Variants in SATB2 observed in about 807,000 individuals in gnomAD.
SATB2 encodes SATB homeobox 2.
In SATB2, 1 loss-of-function variant was observed where a neutral mutation model predicts 73.4. That is an observed-to-expected ratio of 0.01 (90% CI 0.00 to 0.06). The LOEUF is 0.06. Among genes scored for constraint, SATB2 ranks in the 10% least tolerant of loss-of-function variants. The probability of loss-of-function intolerance (pLI) is 1.00; values close to 1 mark genes in which losing one functional copy is unlikely to be tolerated. For synonymous variants in SATB2, 397 were observed against 367.0 expected, an observed-to-expected ratio of 1.08 and a Z score of -0.93; for missense variants, 459 against 945.8, an observed-to-expected ratio of 0.49 and a Z score of 6.75.
chr2:199,297,409 C>T (rs971300664), intron 10 of SATB2, among the ~76,000 whole-genome samples: 4 of 152,008 alleles, frequency 2.6e-5, no homozygotes, highest in East Asian at 1.9e-4. Flanking sequence ...TGGTCATTCC[C>T]GGAAGAGTCA....
At chr2:199,326,250 G>GAGAAAA (rs1208393488) in intron 8 of SATB2, among the ~76,000 whole-genome samples, 3 of 152,034 alleles carry the variant, frequency 2.0e-5, no homozygotes, top group African/African-American at 7.2e-5. Context: ...CTTTACCCAA[G>GAGAAAA]AGAAAAAGAC....
chr2:199,456,406 C>A (rs1210801855), intron 1 of SATB2, among the ~76,000 whole-genome samples: 3 of 152,250 alleles, frequency 2.0e-5, no homozygotes, highest in Non-Finnish European at 4.4e-5. Context: ...ACGGGGTTGG[C>A]ATAAACCGTT....
At chr2:199,375,960 A>G (rs1248702466) in intron 5 of SATB2, among the ~76,000 whole-genome samples, 1 of 152,220 alleles carries the variant, frequency 6.6e-6, no homozygotes, top group African/African-American at 2.4e-5. Context: ...TACTTTATAC[A>G]GGCTGAACTA....
At chr2:199,290,278 C>T (rs1223077044) in intron 10 of SATB2, among the ~76,000 whole-genome samples, 1 of 152,258 alleles carries the variant, frequency 6.6e-6, no homozygotes, top group South Asian at 2.1e-4. Flanking sequence ...CTTTCTCTTA[C>T]TTATACGCTG....
At chr2:199,283,162 C>A (rs1032779026) in intron 10 of SATB2, among the ~76,000 whole-genome samples, 1 of 150,954 alleles carries the variant, frequency 6.6e-6, no homozygotes, top group African/African-American at 2.4e-5. Flanking sequence ...CGGCTCACTG[C>A]AAGCTCCGCC....
intron 3 of SATB2, among the ~76,000 whole-genome samples, chr2:199,410,862 T>C (rs560126930): frequency 6.6e-6 from 1 of 152,316 alleles, no homozygotes; most frequent in African/African-American, 2.4e-5. Context: ...ACATTTATGG[T>C]CTGGTAAGAC....
intron 3 of SATB2, among the ~76,000 whole-genome samples, chr2:199,408,760 A>C (rs1690714743): frequency 1.3e-5 from 2 of 152,112 alleles, no homozygotes; most frequent in African/African-American, 4.8e-5. Context: ...GAACTATATC[A>C]ATATACTTTC....
At chr2:199,292,044 G>A (rs1428420834) in intron 10 of SATB2, among the ~76,000 whole-genome samples, 1 of 151,898 alleles carries the variant, frequency 6.6e-6, no homozygotes, top group Non-Finnish European at 1.5e-5. Context: ...AAGTAGAGCT[G>A]GTAAAAAGAA....
At chr2:199,399,668 C>A (rs1184409980) in intron 3 of SATB2, among the ~76,000 whole-genome samples, 1 of 152,158 alleles carries the variant, frequency 6.6e-6, no homozygotes, top group Non-Finnish European at 1.5e-5. Context: ...AACTTACATT[C>A]ATGGGGACGG....
intron 6 of SATB2, among the ~76,000 whole-genome samples, chr2:199,356,464 ACCT>A (rs1241211994): frequency 6.6e-6 from 1 of 151,932 alleles, no homozygotes; most frequent in Non-Finnish European, 1.5e-5. Flanking sequence ...AAATTTACAA[ACCT>A]CCTCTCCAGG....
rs77466217 is a variant in SATB2 at position 199,434,663 on chromosome 2, G to A, written c.170-1149C>T. Among the ~76,000 whole-genome samples the A allele has an allele frequency of 4.9e-3, 739 of 152,206 alleles. 4 individuals are homozygous for A. Among genetic ancestry groups the A allele is most frequent in the African/African-American group, 0.017 (703 of 41,512 alleles). On this transcript the variant is annotated intron_variant, in intron 2 of 10. Transcript: ENST00000417098. ...GACGGGGGAGGTAGAAAGTCACATGGTCATGGTGAAGGTACTTCACAACAA... is the reference window on the plus strand; with the variant it reads ...GACGGGGGAGGTAGAAAGTCACATGATCATGGTGAAGGTACTTCACAACAA...
chr2:199,296,164 A>G (rs185838129), intron 10 of SATB2, among the ~76,000 whole-genome samples: 148 of 152,336 alleles, frequency 9.7e-4, no homozygotes, highest in African/African-American at 3.3e-3. Context: ...TCTGAGTCCA[A>G]TATAAGATGT....
At chr2:199,430,776 T>A (rs1691479236) in intron 3 of SATB2, among the ~76,000 whole-genome samples, 1 of 152,242 alleles carries the variant, frequency 6.6e-6, no homozygotes, top group African/African-American at 2.4e-5. Flanking sequence ...CCTGCTGCCC[T>A]GTCATTGGGA....
intron 7 of SATB2, among the ~76,000 whole-genome samples, chr2:199,336,915 A>C (rs1428815473): frequency 6.6e-6 from 1 of 152,172 alleles, no homozygotes. Flanking sequence ...CACCTGTAAA[A>C]CTAAAATAAT....
At chr2:199,366,817 A>C (rs1689297859) in intron 6 of SATB2, among the ~76,000 whole-genome samples, 1 of 151,998 alleles carries the variant, frequency 6.6e-6, no homozygotes. Flanking sequence ...ATCTTTAAAA[A>C]AAAAAAAAAA....
intron 3 of SATB2, among the ~76,000 whole-genome samples, chr2:199,399,215 T>G (rs1215645210): frequency 6.6e-6 from 1 of 152,168 alleles, no homozygotes; most frequent in Non-Finnish European, 1.5e-5. Context: ...GAGGTTGCAG[T>G]GGGCCAAGAT....
intron 3 of SATB2, among the ~76,000 whole-genome samples, chr2:199,416,773 A>G (rs1008579866): frequency 9.2e-5 from 14 of 152,288 alleles, no homozygotes; most frequent in African/African-American, 1.2e-4. Flanking sequence ...GCGGTGACTC[A>G]CACCTGTAAT....
intron 3 of SATB2, among the ~76,000 whole-genome samples, chr2:199,383,847 AT>A (rs1689850534): frequency 6.6e-6 from 1 of 152,232 alleles, no homozygotes; most frequent in South Asian, 2.1e-4. Flanking sequence ...GTATGATTTC[AT>A]TTATATGAAA....
At chr2:199,312,553 T>C (rs950542911) in intron 9 of SATB2, among the ~76,000 whole-genome samples, 17 of 152,130 alleles carry the variant, frequency 1.1e-4, no homozygotes, top group African/African-American at 3.6e-4. Flanking sequence ...TTTGGGCAAA[T>C]AGTTACACTG....
Sources: gnomAD v4.1 joint callset for allele counts (sites outside exome capture counted in the v4.1 genomes callset) on GRCh38, gnomAD v4.1.1 for gene constraint, MANE v1.5 for transcripts, NCBI Gene and HGNC (gene_info 2026-07-23, HGNC 2026-07-21) for gene names.